ARHGAP10: variants seen among roughly 807,000 people sequenced by gnomAD.
ARHGAP10 encodes Rho GTPase activating protein 10, also known as rho GTPase-activating protein 10.
In ARHGAP10, 87 loss-of-function variants were observed where a neutral mutation model predicts 108.6. The ratio of observed to expected loss-of-function variants is 0.80; its 90% CI spans 0.67 to 0.96. ARHGAP10 has a LOEUF of 0.96. Ranked by LOEUF, ARHGAP10 falls within the 40% of genes least tolerant of loss-of-function variation. The pLI, the probability that ARHGAP10 is intolerant of heterozygous loss-of-function variation, is 0.00. For synonymous variants in ARHGAP10, 347 were observed against 341.1 expected, an observed-to-expected ratio of 1.02 and a Z score of -0.19; for missense variants, 939 against 954.5, an observed-to-expected ratio of 0.98 and a Z score of 0.21.
chr4:147,773,613 A>G (rs1222778738), intron 1 of ARHGAP10, among the ~76,000 whole-genome samples: 2 of 152,200 alleles, frequency 1.3e-5, no homozygotes, highest in Non-Finnish European at 2.9e-5. Flanking sequence ...CATTGTTGCC[A>G]TGATGTCATA....
chr4:147,847,181 C>A lies in ARHGAP10; in HGVS notation c.343C>A (p.Pro115Thr), dbSNP rs1733669131. The change falls in exon 4 of 23, where the codon CCC becomes ACC. Residue 115 changes from proline to threonine, a missense_variant. Coordinates refer to ENST00000336498, the MANE Select transcript of ARHGAP10 (RefSeq NM_024605.4). ...ALSVTETLIKPLEKFRKEQLG... is the reference protein window; with the variant it reads ...ALSVTETLIKTLEKFRKEQLG... ...AAGTGTAACTGAAACCCTGATTAAA[C>A]CCTTGGAAAAATTCAGAAAAGAGCA... 1.2e-6 allele frequency: 2 copies of A among 1,613,404 alleles called. No individual in the cohort carries two copies. Among genetic ancestry groups the A allele is most frequent in the Non-Finnish European group, 1.7e-6 (2 of 1,179,576 alleles).
chr4:148,063,263 TCTC>T lies in ARHGAP10; in HGVS notation c.2149_2151del (p.Pro717del), dbSNP rs1248601858. ...ACCCGGGTCGTCCCCTTTCCCCTTT[TCTC>T]CTCCTGCTACTGTAGCGGACAAGCC... On this transcript the variant is annotated inframe_deletion, in exon 21 of 23. Coordinates refer to ENST00000336498, the MANE Select transcript of ARHGAP10 (RefSeq NM_024605.4). The T allele has an allele frequency of 6.2e-7, 1 of 1,614,008 alleles. No homozygotes were observed. The highest frequency in any genetic ancestry group is 1.7e-5 in the Admixed American group (1 of 60,006).
In ARHGAP10 at chr4:148,063,241, C is replaced by T. The variant is rs200889352; in HGVS notation, c.2121C>T (p.Pro707=). 23 of 1,614,196 alleles carry T rather than the reference C, an allele frequency of 1.4e-5. No homozygotes were observed. The highest frequency in any genetic ancestry group is 6.7e-5 in the Admixed American group (4 of 60,024). ...SSNSAVTPLS[P]GSSPFPFSPP... The stretch of plus-strand genomic sequence containing the variant: ...ACTCAGCTGTGACACCTCTTTCACC[C>T]GGGTCGTCCCCTTTCCCCTTTTCTC... Residue 707 remains proline (P), a synonymous_variant, in exon 21 of 23, where the codon CCC becomes CCT. Transcript: ENST00000336498.
Position 147,732,415 on chromosome 4 carries a change from G to A in ARHGAP10, c.114G>A (p.Glu38=), listed in dbSNP as rs1728250890. The change falls in exon 1 of 23, where the codon GAG becomes GAA. Residue 38 remains glutamate, a synonymous_variant. Coordinates refer to ENST00000336498, the MANE Select transcript of ARHGAP10 (RefSeq NM_024605.4). ...ELERTNKFIK[E]LIKDGKNLIA... ...AGAGGACCAACAAGTTCATCAAAGAGCTCATTAAGGACGGGAAGAACCTCA... is the reference window on the plus strand; with the variant it reads ...AGAGGACCAACAAGTTCATCAAAGAACTCATTAAGGACGGGAAGAACCTCA... 1 of 1,613,000 alleles carries A rather than the reference G, an allele frequency of 6.2e-7. No individual in the cohort carries two copies.
chr4:148,069,295 G>A (rs1470555763), intron 22 of ARHGAP10, among the ~76,000 whole-genome samples: 1 of 152,134 alleles, frequency 6.6e-6, no homozygotes, highest in Non-Finnish European at 1.5e-5. Context: ...GCTCAGCTGG[G>A]TCCACTTCCA....
At chr4:147,777,168 G>C (rs1730329850) in intron 1 of ARHGAP10, among the ~76,000 whole-genome samples, 1 of 152,048 alleles carries the variant, frequency 6.6e-6, no homozygotes, top group South Asian at 2.1e-4. Flanking sequence ...TGTATCTCTG[G>C]CCTTTTACCA....
chr4:148,034,600 A>G (rs1728292906), intron 19 of ARHGAP10, among the ~76,000 whole-genome samples: 1 of 151,510 alleles, frequency 6.6e-6, no homozygotes, highest in Non-Finnish European at 1.5e-5. Flanking sequence ...GAGTGCCGGG[A>G]TTACAGGTGT....
At chr4:147,798,889 A>T (rs555131531) in intron 1 of ARHGAP10, among the ~76,000 whole-genome samples, 1 of 150,334 alleles carries the variant, frequency 6.7e-6, no homozygotes, top group African/African-American at 2.5e-5. Flanking sequence ...TGGGAAATCC[A>T]TTGTTCGAAT....
At chr4:147,909,560 T>C (rs780243310) in intron 11 of ARHGAP10, among the ~76,000 whole-genome samples, 172 bp from the exon 12 acceptor site, 2 of 152,238 alleles carry the variant, frequency 1.3e-5, no homozygotes, top group Non-Finnish European at 2.9e-5. Flanking sequence ...CCCAAGAGTT[T>C]AGATGCTCTG....
chr4:147,950,266 T>C (rs552191398), intron 15 of ARHGAP10, among the ~76,000 whole-genome samples: 18 of 152,304 alleles, frequency 1.2e-4, no homozygotes, highest in Admixed American at 5.2e-4. Context: ...CCCTTTTTTT[T>C]CTCTAAATTT....
intron 19 of ARHGAP10, among the ~76,000 whole-genome samples, chr4:148,027,599 T>A (rs1727931091): frequency 6.6e-6 from 1 of 152,244 alleles, no homozygotes; most frequent in African/African-American, 2.4e-5. Flanking sequence ...TAGGAACATA[T>A]CTTGATCTAG....
At chr4:148,055,224 T>C (rs1373276997) in intron 20 of ARHGAP10, among the ~76,000 whole-genome samples, 1 of 152,178 alleles carries the variant, frequency 6.6e-6, no homozygotes, top group Non-Finnish European at 1.5e-5. Context: ...CTTTGTCAGA[T>C]GATTAGATGG....
chr4:148,015,073 C>G (rs984823192), intron 18 of ARHGAP10, among the ~76,000 whole-genome samples: 5 of 152,136 alleles, frequency 3.3e-5, no homozygotes, highest in African/African-American at 1.2e-4. Flanking sequence ...GGCTGCCTTT[C>G]TCTAGTCTCC....
intron 19 of ARHGAP10, 117 bp downstream of exon 19, chr4:148,023,530 GATT>G (rs1741654300): frequency 5.9e-6 from 7 of 1,178,852 alleles, no homozygotes; most frequent in Middle Eastern, 6.1e-4. Context: ...CTTCCCTTAA[GATT>G]ATAATTTTGA....
At chr4:147,745,151 G>A (rs1272015495) in intron 1 of ARHGAP10, among the ~76,000 whole-genome samples, 1 of 152,018 alleles carries the variant, frequency 6.6e-6, no homozygotes, top group Non-Finnish European at 1.5e-5. Flanking sequence ...TTGAGTCAAG[G>A]TGACATTGTG....
At chr4:147,766,821 TATATATA>T (rs1560746937) in intron 1 of ARHGAP10, among the ~76,000 whole-genome samples, 5 of 14,326 alleles carry the variant, frequency 3.5e-4, no homozygotes, top group African/African-American at 3.7e-4. Flanking sequence ...TATATATATA[TATATATA>T]TATATATATA....
At chr4:147,826,903 A>G (rs1732730299) in intron 3 of ARHGAP10, among the ~76,000 whole-genome samples, 1 of 152,114 alleles carries the variant, frequency 6.6e-6, no homozygotes, top group African/African-American at 2.4e-5. Context: ...CGCCCTCAAT[A>G]ACAGTTGGTC....
chr4:147,845,317 A>C (rs79780617), intron 3 of ARHGAP10, among the ~76,000 whole-genome samples: 3,529 of 152,218 alleles, frequency 0.023, 112 homozygotes, highest in East Asian at 0.1. Context: ...ATATCTCCTT[A>C]GGTGTTCATG....
intron 18 of ARHGAP10, among the ~76,000 whole-genome samples, chr4:148,017,183 C>T (rs1741380246): frequency 6.6e-6 from 1 of 152,110 alleles, no homozygotes; most frequent in African/African-American, 2.4e-5. Context: ...CCAGCAATGC[C>T]TGACTGTTCA....
Sources: allele counts gnomAD v4.1 joint callset (sites outside exome capture counted in the v4.1 genomes callset), GRCh38; gene constraint gnomAD v4.1.1; transcripts MANE v1.5; gene names NCBI Gene and HGNC (gene_info 2026-07-23, HGNC 2026-07-21).